Variants in DCHS2 observed in about 807,000 individuals in gnomAD.
DCHS2 encodes dachsous cadherin-related 2.
A neutral mutation model predicts 182.4 loss-of-function variants in DCHS2; 142 were observed. That is an observed-to-expected ratio of 0.78 (90% CI 0.68 to 0.89). The LOEUF is 0.89. Ranked by LOEUF, DCHS2 falls within the 40% of genes least tolerant of loss-of-function variation. The pLI, the probability that DCHS2 is intolerant of heterozygous loss-of-function variation, is 0.00. For missense variants in DCHS2, 4,319 were observed against 4,198.6 expected (o/e 1.03, Z -0.79); for synonymous variants, 1,740 against 1,663.3 (o/e 1.05, Z -1.12).
Position 154,320,371 on chromosome 4 carries a change from C to T in DCHS2, c.5020+8G>A, listed in dbSNP as rs1736008684. The T allele has an allele frequency of 6.2e-7, 1 of 1,610,946 alleles. No individual in the cohort carries two copies. The highest frequency in any genetic ancestry group is 1.3e-5 in the African/African-American group (1 of 74,882). ...ATATTTTTAAAAGTGACATATAGGG[C>T]ACTGTACCTGATGACTCATCTAGCA... On this transcript the variant is annotated splice_region_variant and intron_variant, in intron 9 of 19. Coordinates refer to ENST00000357232, the MANE Select transcript of DCHS2 (RefSeq NM_001358235.2).
rs183361063 is a variant in DCHS2, at chr4:154,447,222, G to T, written c.2052+42082C>A. 4.2e-4 allele frequency among the ~76,000 whole-genome samples: 64 copies of T among 152,264 alleles called. 1 individual carries two copies. In the East Asian group the frequency reaches 0.012, roughly 28 times the overall value. Reference sequence around the variant, plus strand: ...CAGGAGAATTGCTTGAACCTGGGAGGCAGGGGATGCAGTGAGCTGAGATTG... The same window carrying T: ...CAGGAGAATTGCTTGAACCTGGGAGTCAGGGGATGCAGTGAGCTGAGATTG... On this transcript the variant is annotated intron_variant, in intron 1 of 19. Transcript: ENST00000357232.
intron 1 of DCHS2, among the ~76,000 whole-genome samples, chr4:154,481,355 A>G (rs1450604482): frequency 6.6e-6 from 1 of 152,098 alleles, no homozygotes; most frequent in Non-Finnish European, 1.5e-5. Flanking sequence ...TCGACCTCCC[A>G]GGCTCAACTA....
chr4:154,490,526 G>A lies in DCHS2; in HGVS notation c.830C>T (p.Thr277Ile). 1.3e-6 allele frequency: 2 copies of A among 1,536,506 alleles called. No homozygotes were observed. Among genetic ancestry groups the A allele is most frequent in the South Asian group, 2.4e-5 (2 of 83,866 alleles). Residue 277 changes from threonine to isoleucine, a missense_variant, in exon 1 of 20, where the codon ACC (threonine) becomes ATC (isoleucine). By Grantham distance (89) the Thr-to-Ile change is moderately conservative. Coordinates refer to ENST00000357232, the MANE Select transcript of DCHS2 (RefSeq NM_001358235.2). ...GCGCAGCTCCACGCTCAGGAGGCCG[G>A]TGCGCCGGGGTCGGCCGCCGTCCCA... Reference protein sequence around the residue: ...EAWDGGRPRRTGLLSVELRVL... With the variant: ...EAWDGGRPRRIGLLSVELRVL...
chr4:154,343,440 T>C (rs1369598558), intron 3 of DCHS2: 11 of 1,381,222 alleles, frequency 8.0e-6, no homozygotes, highest in Non-Finnish European at 1.0e-5. Context: ...TTCATCTACA[T>C]TGAAAATCTA....
chr4:154,366,504 T>C, intron 2 of DCHS2, 63 bp from the exon 3 acceptor site: 1 of 1,071,658 alleles, frequency 9.3e-7, no homozygotes, highest in Non-Finnish European at 1.4e-6. Context: ...TGTAGAATAA[T>C]TGACAATGGC....
intron 1 of DCHS2, among the ~76,000 whole-genome samples, chr4:154,390,335 A>G (rs945869959): frequency 3.5e-4 from 48 of 136,392 alleles, no homozygotes; most frequent in African/African-American, 1.1e-3. Context: ...CTCATTGTTC[A>G]ATTCCCACCT....
At position 154,232,604 on chromosome 4, in the gene DCHS2, G is replaced by A. The variant is rs1389102218; in HGVS notation, c.*1932C>T. 4.6e-5 allele frequency: 7 copies of A among 152,132 alleles called. No individual in the cohort carries two copies. The highest frequency in any genetic ancestry group is 7.2e-5 in the African/African-American group (3 of 41,444). The allele number at this position is 152,132 out of a possible 1,614,324, so 9.4% of individuals were successfully genotyped here. A position where few individuals can be genotyped will look rare whatever the true frequency, so the allele number is the denominator to read the frequency against. ...CTTAGTTTCCAGAAATAATTCTATT[G>A]TGAAAAGAAAACTTCCATATATAAT... is the stretch of plus-strand genomic sequence containing the variant. On this transcript the variant is annotated 3_prime_UTR_variant, in exon 20 of 20. Transcript: ENST00000357232.
intron 13 of DCHS2, among the ~76,000 whole-genome samples, chr4:154,293,259 A>G (rs917276302): frequency 6.6e-6 from 1 of 151,804 alleles, no homozygotes; most frequent in East Asian, 1.9e-4. Flanking sequence ...CTGGAGTGCA[A>G]TGGCGTGATC....
intron 14 of DCHS2, among the ~76,000 whole-genome samples, chr4:154,266,781 G>A (rs1460668422): frequency 6.6e-6 from 1 of 151,976 alleles, no homozygotes; most frequent in African/African-American, 2.4e-5. Context: ...CTATAATTTT[G>A]TCTTTTCATA....
chr4:154,457,402 A>G (rs1188718507), intron 1 of DCHS2, among the ~76,000 whole-genome samples: 5 of 152,178 alleles, frequency 3.3e-5, no homozygotes, highest in Non-Finnish European at 1.5e-5. Flanking sequence ...GACACAAATA[A>G]AAGCAAGCAC....
chr4:154,290,699 C>T (rs114060159), intron 13 of DCHS2, among the ~76,000 whole-genome samples: 2,545 of 152,106 alleles, frequency 0.017, 68 homozygotes, highest in African/African-American at 0.057. Flanking sequence ...AGAACAGTCT[C>T]TTCAACAAAT....
rs900531349 is a variant in DCHS2 at position 154,320,931 on chromosome 4, G to A, written c.4468C>T (p.Leu1490=). Residue 1490 remains leucine, a synonymous_variant, in exon 9 of 20, where the codon CTG becomes TTG. Transcript: ENST00000357232. The stretch of plus-strand genomic sequence containing the variant: ...ATACTAAGGAAGACTGTGCTACTCA[G>A]GGAAAGGTTTTTGCTATGGTCTGTA... ...ITTDHSKNLS[L]SSTVFLSIDV... 1 of 1,614,004 alleles carries A rather than the reference G, an allele frequency of 6.2e-7. No individual in the cohort carries two copies. The highest frequency in any genetic ancestry group is 1.3e-5 in the African/African-American group (1 of 74,990).
At chr4:154,273,003 G>T (rs745403109) in intron 13 of DCHS2, among the ~76,000 whole-genome samples, 5 of 152,062 alleles carry the variant, frequency 3.3e-5, no homozygotes, top group African/African-American at 9.7e-5. Flanking sequence ...TGGTGAAAAT[G>T]TAAACTAGTA....
chr4:154,410,051 T>A (rs1356270554), intron 1 of DCHS2, among the ~76,000 whole-genome samples: 1 of 152,130 alleles, frequency 6.6e-6, no homozygotes, highest in Non-Finnish European at 1.5e-5. Flanking sequence ...CCGTAAAGTT[T>A]GGAAGAAGTG....
intron 1 of DCHS2, among the ~76,000 whole-genome samples, chr4:154,488,393 G>T (rs907549518): frequency 2.0e-5 from 3 of 152,136 alleles, no homozygotes; most frequent in Non-Finnish European, 4.4e-5. Context: ...CATGGAAGAA[G>T]CTTAGCTCAC....
intron 1 of DCHS2, among the ~76,000 whole-genome samples, chr4:154,433,517 C>G (rs1178128100): frequency 1.3e-5 from 2 of 150,114 alleles, no homozygotes; most frequent in African/African-American, 4.9e-5. Flanking sequence ...GACTCAGCCT[C>G]CCAAGTAGCT....
intron 3 of DCHS2, 113 bp downstream of exon 3, chr4:154,366,097 C>A: frequency 2.7e-6 from 2 of 738,694 alleles, no homozygotes; most frequent in Non-Finnish European, 4.6e-6. Context: ...TTAAGTGAGT[C>A]CTGCAACACC....
chr4:154,383,434 A>G (rs964442963), intron 1 of DCHS2, among the ~76,000 whole-genome samples: 1 of 152,212 alleles, frequency 6.6e-6, no homozygotes, highest in African/African-American at 2.4e-5. Flanking sequence ...CACTCACATG[A>G]CAAATCTGCA....
At chr4:154,314,671 T>C (rs1187915879) in intron 10 of DCHS2, among the ~76,000 whole-genome samples, 1 of 152,322 alleles carries the variant, frequency 6.6e-6, no homozygotes, top group African/African-American at 2.4e-5. Flanking sequence ...GGAAATGCTA[T>C]TATTAATACT....
Sources: gnomAD v4.1 joint callset for allele counts (sites outside exome capture counted in the v4.1 genomes callset) on GRCh38, gnomAD v4.1.1 for gene constraint, MANE v1.5 for transcripts, NCBI Gene and HGNC (gene_info 2026-07-23, HGNC 2026-07-21) for gene names.